CHFR: variants seen among roughly 807,000 people sequenced by gnomAD.
CHFR encodes E3 ubiquitin-protein ligase CHFR.
In CHFR, 57 loss-of-function variants were observed where a neutral mutation model predicts 87.6. The observed-to-expected ratio is 0.65, with a 90% CI of 0.53 to 0.81. CHFR has a LOEUF of 0.81. CHFR is among the 30% of genes least tolerant of loss of function. The probability of loss-of-function intolerance (pLI) is 0.00; values close to 1 mark genes in which losing one functional copy is unlikely to be tolerated. For missense variants in CHFR, 797 were observed against 865.8 expected, an observed-to-expected ratio of 0.92 and a Z score of 1.00; for synonymous variants, 381 against 359.2, an observed-to-expected ratio of 1.06 and a Z score of -0.69.
intron 5 of CHFR, among the ~76,000 whole-genome samples, chr12:132,870,278 G>T (rs886396415): frequency 6.6e-6 from 1 of 152,072 alleles, no homozygotes; most frequent in Non-Finnish European, 1.5e-5. Context: ...CATGAACCCG[G>T]GAGGTGGAGG....
intron 7 of CHFR, 138 bp downstream of exon 7, chr12:132,861,329 T>G: frequency 1.3e-6 from 1 of 763,392 alleles, no homozygotes; most frequent in Non-Finnish European, 2.2e-6. Context: ...ATGCCGGAGG[T>G]GTTACAGGCA....
In CHFR at chr12:132,852,457, C is replaced by G. The variant is rs996903375; in HGVS notation, c.1373-720G>C. Among the ~76,000 whole-genome samples, 3 of 9,502 alleles carry G rather than the reference C, an allele frequency of 3.2e-4. No homozygotes were observed. In the Non-Finnish European group the frequency reaches 0.033, roughly 103 times the overall value. The allele number at this position is 9,502 out of a possible 152,430, so 6.2% of individuals were successfully genotyped here. On this transcript the variant is annotated intron_variant, in intron 11 of 17. Transcript: ENST00000450056. ...TGCACAAGACCAATCGATGTGGCAG[C>G]AGAAGTCTGAGCCCACACAGCCAAG...
At position 132,887,215 on chromosome 12, in the gene CHFR, C is replaced by T; in HGVS notation, c.114G>A (p.Trp38Ter). 1.3e-6 allele frequency: 2 copies of T among 1,500,028 alleles called. No homozygotes were observed. The highest frequency in any genetic ancestry group is 1.8e-6 in the Non-Finnish European group (2 of 1,131,392). The allele number at this position is 1,500,028 out of a possible 1,614,324, so 92.9% of individuals were successfully genotyped here. ...CCGCACCTCGTCTCCGCCCGATGGT[C>T]CACTCCCGCTTCCTCAGGAGGACGT... ...EPHVLLRKRE[W>*]TIGRRRGCDL... The change falls in exon 2 of 18, where the codon TGG becomes TGA. Residue 38 changes from tryptophan (W) to a stop codon, truncating the protein, a stop_gained. Transcript: ENST00000450056. LOFTEE classifies it high-confidence loss of function.
Position 132,837,223 on chromosome 12 carries a change from A to C in CHFR, c.*4331T>G, listed in dbSNP as rs1372096982. 9 of 224,426 alleles carry C rather than the reference A, an allele frequency of 4.0e-5. No individual in the cohort carries two copies. The highest frequency in any genetic ancestry group is 8.1e-5 in the Non-Finnish European group (9 of 111,668). 13.9% of individuals were successfully genotyped at this position (224,426 alleles called of 1,614,324 possible). On this transcript the variant is annotated 3_prime_UTR_variant, in exon 18 of 18. Coordinates refer to ENST00000450056, the MANE Select transcript of CHFR (RefSeq NM_001161346.2). ...CTTCAAGGGCCATGATATGGTTATC[A>C]TTACTATGTAATAAACCACCCCAAA...
rs1288355908 is a variant in CHFR, at chr12:132,848,113, T to C, written c.1619A>G (p.Asn540Ser). 4 of 1,614,112 alleles carry C rather than the reference T, an allele frequency of 2.5e-6. No homozygotes were observed. The highest frequency in any genetic ancestry group is 2.2e-5 in the East Asian group (1 of 44,876). Residue 540 changes from asparagine (N) to serine (S), a missense_variant, in exon 14 of 18, where the codon AAC (asparagine) becomes AGC (serine). Coordinates refer to ENST00000450056, the MANE Select transcript of CHFR (RefSeq NM_001161346.2). ...CAGGATGTCTGACTCGTAGCTGTTGTTGTTCAGCACGCCGTCCAGACACTT... is the reference window on the plus strand; with the variant it reads ...CAGGATGTCTGACTCGTAGCTGTTGCTGTTCAGCACGCCGTCCAGACACTT... The part of the protein sequence containing the change: ...GDKCLDGVLN[N>S]NSYESDILKN...
In CHFR at chr12:132,856,636, A is replaced by G. The variant is rs560964381; in HGVS notation, c.1067-6T>C. ...TTCTTCACTGCGACTCTTGTCTAGA[A>G]TTGAAAGGACACAGCGCCATTCACC... On this transcript the variant is annotated splice_region_variant and splice_polypyrimidine_tract_variant and intron_variant, in intron 9 of 17. Coordinates refer to ENST00000450056, the MANE Select transcript of CHFR (RefSeq NM_001161346.2). 15 of 1,613,778 alleles carry G rather than the reference A, an allele frequency of 9.3e-6. 1 individual carries two copies. In the South Asian group the frequency reaches 1.6e-4, roughly 18 times the overall value.
chr12:132,887,057 G>T, intron 2 of CHFR, 139 bp downstream of exon 2: 1 of 676,702 alleles, frequency 1.5e-6, no homozygotes, highest in South Asian at 2.3e-5. Context: ...GCAGAACACC[G>T]AATAAATACC....
intron 2 of CHFR, among the ~76,000 whole-genome samples, chr12:132,884,917 T>A (rs1389524975): frequency 1.3e-5 from 2 of 151,732 alleles, no homozygotes; most frequent in African/African-American, 4.8e-5. Flanking sequence ...TGAAACCCCA[T>A]CTCTACTAAA....
chr12:132,858,189 C>G (rs1951126234), intron 8 of CHFR, among the ~76,000 whole-genome samples: 1 of 152,056 alleles, frequency 6.6e-6, no homozygotes. Context: ...AAACTCCCGT[C>G]TCTACTAAAA....
Position 132,838,711 on chromosome 12 carries a change from G to C in CHFR, c.*2843C>G, listed in dbSNP as rs1339313457. 2 of 152,408 alleles carry C rather than the reference G, an allele frequency of 1.3e-5. No homozygotes were observed. Among genetic ancestry groups the C allele is most frequent in the South Asian group, 2.1e-4 (1 of 4,830 alleles). The allele number at this position is 152,408 out of a possible 1,614,324, so 9.4% of individuals were successfully genotyped here. A position where few individuals can be genotyped will look rare whatever the true frequency, so the allele number is the denominator to read the frequency against. On this transcript the variant is annotated 3_prime_UTR_variant, in exon 18 of 18. Coordinates refer to ENST00000450056, the MANE Select transcript of CHFR (RefSeq NM_001161346.2). ...ACGCAGCCACCCCACAAGGAGAGCAGGGCTCCAAAACCACCACAGCCGGTC... is the reference window on the plus strand; with the variant it reads ...ACGCAGCCACCCCACAAGGAGAGCACGGCTCCAAAACCACCACAGCCGGTC...
chr12:132,872,864 T>A (rs1203041469), intron 3 of CHFR, among the ~76,000 whole-genome samples: 1 of 152,174 alleles, frequency 6.6e-6, no homozygotes, highest in Non-Finnish European at 1.5e-5. Flanking sequence ...TGCTGGGCCG[T>A]CAGCTGCAGG....
intron 2 of CHFR, 140 bp downstream of exon 2, chr12:132,887,056 C>G (rs867433948): frequency 1.5e-6 from 1 of 670,504 alleles, no homozygotes; most frequent in African/African-American, 1.9e-5. Context: ...GGCAGAACAC[C>G]GAATAAATAC....
rs564810555 is a variant in CHFR, at chr12:132,869,670, C to T, written c.532G>A (p.Ala178Thr). Residue 178 changes from alanine (A) to threonine (T), a missense_variant, in exon 6 of 18, where the codon GCC becomes ACC. Transcript: ENST00000450056. ...STSDLFPTASASSTEPSPAGR... is the reference protein window; with the variant it reads ...STSDLFPTASTSSTEPSPAGR... ...GCAGGAGAAGGCTCCGTGGAAGAGGCCGAGGCTGTGGGGAAGAGGTCTGAC... is the reference window on the plus strand; with the variant it reads ...GCAGGAGAAGGCTCCGTGGAAGAGGTCGAGGCTGTGGGGAAGAGGTCTGAC... The T allele has an allele frequency of 1.3e-6, 2 of 1,551,666 alleles. No homozygotes were observed. The highest frequency in any genetic ancestry group is 2.7e-5 in the African/African-American group (2 of 73,140).
chr12:132,846,953 G>A, intron 15 of CHFR, 90 bp downstream of exon 15: 1 of 892,462 alleles, frequency 1.1e-6, no homozygotes, highest in Non-Finnish European at 1.9e-6. Flanking sequence ...GGTGGGTGAA[G>A]GTCGGAGTTG....
chr12:132,877,094 C>A (rs1480736952), intron 3 of CHFR, among the ~76,000 whole-genome samples: 3 of 152,146 alleles, frequency 2.0e-5, no homozygotes, highest in Non-Finnish European at 1.5e-5. Flanking sequence ...CGCGCCCGGG[C>A]TGATAATAAT....
intron 6 of CHFR, chr12:132,866,785 G>A (rs988988348): frequency 2.0e-5 from 3 of 152,254 alleles, no homozygotes; most frequent in African/African-American, 7.2e-5. Flanking sequence ...CTCTTCAGAT[G>A]GCTGGGATGT....
intron 10 of CHFR, among the ~76,000 whole-genome samples, chr12:132,856,238 A>G (rs1593469872): frequency 6.6e-6 from 1 of 152,126 alleles, no homozygotes; most frequent in Admixed American, 6.5e-5. Flanking sequence ...TCTGCTGGCT[A>G]CCCCCTGGCT....
chr12:132,867,946 T>C (rs1340844799), intron 6 of CHFR: 2 of 143,928 alleles, frequency 1.4e-5, no homozygotes, highest in Admixed American at 6.9e-5. Context: ...GAATAGAGAA[T>C]AGCTAAGAAA....
At chr12:132,883,889 G>C (rs1951825090) in intron 2 of CHFR, among the ~76,000 whole-genome samples, 1 of 152,240 alleles carries the variant, frequency 6.6e-6, no homozygotes, top group African/African-American at 2.4e-5. Flanking sequence ...AAGGCAGGTG[G>C]ATCATTTGAT....
Sources: allele counts gnomAD v4.1 joint callset (sites outside exome capture counted in the v4.1 genomes callset), GRCh38; gene constraint gnomAD v4.1.1; transcripts MANE v1.5; gene names NCBI Gene and HGNC (gene_info 2026-07-23, HGNC 2026-07-21).